Variants in NOC2L observed in about 807,000 individuals in gnomAD.
NOC2L encodes nucleolar complex protein 2 homolog.
NOC2L carries 101 observed loss-of-function variants against 94.2 expected under a neutral mutation model. That is an observed-to-expected ratio of 1.07 (90% confidence interval 0.91 to 1.26). The LOEUF is 1.26. Ranked by LOEUF, NOC2L falls within the 50% of genes most tolerant of loss-of-function variation. NOC2L has a pLI of 0.00. For missense variants in NOC2L, 1,076 were observed against 980.1 expected, an observed-to-expected ratio of 1.10 and a Z score of -1.31; for synonymous variants, 531 against 413.4, an observed-to-expected ratio of 1.28 and a Z score of -3.45.
chr1:951,936 C>A (rs1642270805), intron 11 of NOC2L, 64 bp downstream of exon 11: 2 of 1,555,560 alleles, frequency 1.3e-6, no homozygotes, highest in Admixed American at 1.8e-5. Flanking sequence ...GCACCGCCCA[C>A]ACAGTCCCAG....
intron 4 of NOC2L, 56 bp downstream of exon 4, chr1:956,838 G>C (rs1161687493): frequency 8.7e-6 from 14 of 1,602,266 alleles, no homozygotes; most frequent in Middle Eastern, 4.4e-4. Context: ...CCTCAGGTGA[G>C]GCAAGGCCAG....
chr1:953,858 G>A lies in NOC2L; in HGVS notation c.812C>T (p.Ala271Val), dbSNP rs3828049. ...CACGCTGATGTGCCGCAGCACGGCC[G>A]CCAACACCGTCGTCTCCGACAGACA... The part of the protein sequence containing the change: ...VSCLSETTVL[A>V]AVLRHISVLV... The change falls in exon 8 of 19, where the codon GCG (alanine) becomes GTG (valine). Residue 271 changes from alanine to valine, a missense_variant. Physicochemically the swap from Ala to Val is moderately conservative, Grantham distance 64. Around this residue, in one of 3 missense-constraint regions of NOC2L, gnomAD observed 457 missense variants for 386.0 expected, o/e 1.18. Coordinates refer to ENST00000327044, the MANE Select transcript of NOC2L (RefSeq NM_015658.4). 86,306 of 1,612,924 alleles carry A rather than the reference G, an allele frequency of 0.054. 2,439 individuals carry two copies. Among genetic ancestry groups the A allele is most frequent in the South Asian group, 0.078 (7,079 of 91,074 alleles).
rs201894720 is a variant in NOC2L, at chr1:944,787, G to T, written c.2157C>A (p.Asp719Glu). The T allele has an allele frequency of 2.5e-6, 4 of 1,590,314 alleles. No individual in the cohort carries two copies. Among genetic ancestry groups the T allele is most frequent in the Non-Finnish European group, 1.7e-6 (2 of 1,172,284 alleles). The change falls in exon 19 of 19, where the codon GAC becomes GAA. Residue 719 changes from aspartate to glutamate, a missense_variant. Around this residue, in one of 3 missense-constraint regions of NOC2L, gnomAD observed 615 missense variants for 577.4 expected, o/e 1.07. Coordinates refer to ENST00000327044, the MANE Select transcript of NOC2L (RefSeq NM_015658.4). ...CCCCAGGGGCCAGCCCCGCCTCTGC[G>T]TCTGGGTCTCCATCTGCGGGGAGAG... ...DSSNSEDGDP[D>E]AEAGLAPGEL...
rs1642318887 is a variant in NOC2L at position 953,646 on chromosome 1, T to C, written c.888+136A>G. On this transcript the variant is annotated intron_variant, in intron 8 of 18. Coordinates refer to ENST00000327044, the MANE Select transcript of NOC2L (RefSeq NM_015658.4). ...GGTGGGGGTGGGGGCCAGGTGCTTCTGTGGCCTCTCTAGCCAAGCGGAGCC... is the reference window on the plus strand; with the variant it reads ...GGTGGGGGTGGGGGCCAGGTGCTTCCGTGGCCTCTCTAGCCAAGCGGAGCC... 3 of 684,728 alleles carry C rather than the reference T, an allele frequency of 4.4e-6. No homozygotes were observed. In the East Asian group the frequency reaches 8.1e-5, roughly 19 times the overall value. The allele number at this position is 684,728 out of a possible 1,614,324, so 42.4% of individuals were successfully genotyped here. A position where few individuals can be genotyped will look rare whatever the true frequency, so the allele number is the denominator to read the frequency against.
chr1:948,395 G>T, intron 13 of NOC2L, 95 bp downstream of exon 13: 3 of 1,091,492 alleles, frequency 2.7e-6, no homozygotes, highest in Non-Finnish European at 4.1e-6. Context: ...GTCCATGCTT[G>T]AACTTGGAGG....
rs1458350532 is a variant in NOC2L at position 944,739 on chromosome 1, C to T, written c.2205G>A (p.Gly735=). The T allele has an allele frequency of 3.1e-6, 5 of 1,600,722 alleles. No homozygotes were observed. The highest frequency in any genetic ancestry group is 1.1e-5 in the South Asian group (1 of 90,918). The change falls in exon 19 of 19, where the codon GGG becomes GGA. Residue 735 remains glycine (G), a synonymous_variant. Coordinates refer to ENST00000327044, the MANE Select transcript of NOC2L (RefSeq NM_015658.4). ...APGELQQLAQ[G]PEDELEDLQL... ...GCAGATCCTCCAGCTCGTCCTCCGG[C>T]CCCTGGGCCAGCTGCTGCAGCTCCC...
intron 9 of NOC2L, 122 bp from the exon 10 acceptor site, chr1:952,722 AG>A: frequency 1.0e-6 from 1 of 969,426 alleles, no homozygotes; most frequent in East Asian, 2.5e-5. Flanking sequence ...GAAGAGCCGT[AG>A]CCCCTTGCAC....
In NOC2L at chr1:944,407, C is replaced by T. The variant is rs759425460; in HGVS notation, c.*287G>A. The T allele has an allele frequency of 1.3e-5, 16 of 1,195,010 alleles. No homozygotes were observed. Among genetic ancestry groups the T allele is most frequent in the Non-Finnish European group, 1.6e-5 (15 of 915,014 alleles). The allele number at this position is 1,195,010 out of a possible 1,614,324, so 74.0% of individuals were successfully genotyped here. ...AAGGGGCCAGGGGCCTGCAGGCCTC[C>T]CCCTGGAACTGGGACTGGTCTCGGT... On this transcript the variant is annotated 3_prime_UTR_variant, in exon 19 of 19. Coordinates refer to ENST00000327044, the MANE Select transcript of NOC2L (RefSeq NM_015658.4).
rs943879049 is a variant in NOC2L, at chr1:948,349, G to A, written c.1558-117C>T. 1.6e-5 allele frequency: 17 copies of A among 1,059,916 alleles called. 1 individual carries two copies. The highest frequency in any genetic ancestry group is 2.3e-4 in the Middle Eastern group (1 of 4,256). 65.7% of individuals were successfully genotyped at this position (1,059,916 alleles called of 1,614,324 possible). On this transcript the variant is annotated intron_variant, in intron 13 of 18. Coordinates refer to ENST00000327044, the MANE Select transcript of NOC2L (RefSeq NM_015658.4). ...TCTCCAGGGCACGGACTGCAAGGAA[G>A]GGGCTCCTGGGCCCCAGCCCTGGGA...
chr1:944,899 T>A, intron 18 of NOC2L, 99 bp from the exon 19 acceptor site: 1 of 1,365,846 alleles, frequency 7.3e-7, no homozygotes, highest in Non-Finnish European at 1.0e-6. Flanking sequence ...CTAATTAATT[T>A]ATCCCTGTTG....
At chr1:947,301 G>T (rs1051100611) in intron 14 of NOC2L, among the ~76,000 whole-genome samples, 1 of 152,230 alleles carries the variant, frequency 6.6e-6, no homozygotes, top group Non-Finnish European at 1.5e-5. Flanking sequence ...AGGAACAGAG[G>T]CTGTGGCCCC....
rs1450035904 is a variant in NOC2L at position 944,702 on chromosome 1, C to T, written c.2242G>A (p.Asp748Asn). 2.3e-5 allele frequency: 36 copies of T among 1,596,438 alleles called. No individual in the cohort carries two copies. Among genetic ancestry groups the T allele is most frequent in the Non-Finnish European group, 2.9e-5 (34 of 1,176,596 alleles). ...CCCCCAGATGGGCTGCCTCAGTCGT[C>T]CTCTGAGAGCTGCAGATCCTCCAGC... ...DELEDLQLSE[D>N]D The change falls in exon 19 of 19, where the codon GAC (aspartate) becomes AAC (asparagine). Residue 748 changes from aspartate (D) to asparagine (N), a missense_variant. Around this residue, in one of 3 missense-constraint regions of NOC2L, gnomAD observed 615 missense variants for 577.4 expected, o/e 1.07. Coordinates refer to ENST00000327044, the MANE Select transcript of NOC2L (RefSeq NM_015658.4).
chr1:953,573 G>A (rs569015869), intron 8 of NOC2L, among the ~76,000 whole-genome samples: 13 of 152,382 alleles, frequency 8.5e-5, no homozygotes, highest in African/African-American at 2.9e-4. Context: ...CTCACGGACT[G>A]AGCCGCGCTG....
At position 959,135 on chromosome 1, in the gene NOC2L, C is replaced by T. The variant is rs977148988; in HGVS notation, c.27-54G>A. The T allele has an allele frequency of 1.9e-6, 3 of 1,611,816 alleles. No homozygotes were observed. In the African/African-American group the frequency reaches 4.0e-5, roughly 22 times the overall value. On this transcript the variant is annotated intron_variant, in intron 1 of 18. Transcript: ENST00000327044. ...CCGCACGCCCAGCTCGCCCCAGCCC[C>T]GCTGAGAGGAGCAAGAAAAGCCCCC...
intron 14 of NOC2L, among the ~76,000 whole-genome samples, chr1:947,865 A>G (rs1569937422): frequency 6.6e-6 from 1 of 152,228 alleles, no homozygotes; most frequent in Non-Finnish European, 1.5e-5. Context: ...AGCAAAGATC[A>G]GCCTTGTGGT....
intron 2 of NOC2L, chr1:957,526 C>T: frequency 4.0e-6 from 2 of 494,040 alleles, no homozygotes; most frequent in South Asian, 5.1e-5. Context: ...TACACAGGCC[C>T]CCAGCCGCGG....
At position 944,737 on chromosome 1, in the gene NOC2L, G is replaced by T; in HGVS notation, c.2207C>A (p.Pro736Gln). Residue 736 changes from proline to glutamine, a missense_variant, in exon 19 of 19, where the codon CCG (proline) becomes CAG (glutamine). Pro to Gln is a moderately conservative substitution (Grantham distance 76). Coordinates refer to ENST00000327044, the MANE Select transcript of NOC2L (RefSeq NM_015658.4). ...PGELQQLAQG[P>Q]EDELEDLQLS... The stretch of plus-strand genomic sequence containing the variant: ...CTGCAGATCCTCCAGCTCGTCCTCC[G>T]GCCCCTGGGCCAGCTGCTGCAGCTC... The T allele has an allele frequency of 6.2e-7, 1 of 1,600,278 alleles. No individual in the cohort carries two copies. The highest frequency in any genetic ancestry group is 8.5e-7 in the Non-Finnish European group (1 of 1,178,430).
At chr1:947,495 C>T (rs1341563766) in intron 14 of NOC2L, among the ~76,000 whole-genome samples, 1 of 152,240 alleles carries the variant, frequency 6.6e-6, no homozygotes, top group Non-Finnish European at 1.5e-5. Context: ...TGATTCCAGC[C>T]ACCAGGGCCA....
chr1:957,590 C>T (rs1466941234), intron 2 of NOC2L: 2 of 337,350 alleles, frequency 5.9e-6, no homozygotes, highest in Non-Finnish European at 1.1e-5. Context: ...CTGATGGTGG[C>T]TTCACCCTTC....
Sources: gnomAD v4.1 joint callset for allele counts (sites outside exome capture counted in the v4.1 genomes callset) on GRCh38, gnomAD v4.1.1 for gene constraint, gnomAD v4.1.1 regional missense constraint, MANE v1.5 for transcripts, NCBI Gene and HGNC (gene_info 2026-07-23, HGNC 2026-07-21) for gene names.